Variants in FAT3 observed in about 807,000 individuals in gnomAD.
FAT3 encodes protocadherin Fat 3.
Under a neutral mutation model 310.2 loss-of-function variants are expected in FAT3, and 95 were observed. The ratio of observed to expected loss-of-function variants is 0.31; its 90% CI spans 0.26 to 0.36. FAT3 has a LOEUF of 0.36. Ranked by LOEUF, FAT3 falls within the 10% of genes least tolerant of loss-of-function variation. The probability of loss-of-function intolerance (pLI) is 1.00; values close to 1 mark genes in which losing one functional copy is unlikely to be tolerated. For missense variants in FAT3, 5,408 were observed against 5,715.6 expected (o/e 0.95, Z 1.74); for synonymous variants, 2,314 against 2,192.9 (o/e 1.06, Z -1.54).
At chr11:92,755,757 C>A (rs144456069) in intron 4 of FAT3, among the ~76,000 whole-genome samples, 2 of 152,130 alleles carry the variant, frequency 1.3e-5, no homozygotes, top group East Asian at 3.9e-4. Flanking sequence ...GTTCCTCTTA[C>A]CAAATATACC....
intron 2 of FAT3, among the ~76,000 whole-genome samples, chr11:92,475,878 T>C (rs1952038785): frequency 6.6e-6 from 1 of 152,144 alleles, no homozygotes; most frequent in Non-Finnish European, 1.5e-5. Flanking sequence ...CAAATCCTCA[T>C]AAAAAGGCTT....
chr11:92,719,843 T>C (rs1249879141), intron 4 of FAT3, among the ~76,000 whole-genome samples: 2 of 151,934 alleles, frequency 1.3e-5, no homozygotes, highest in Non-Finnish European at 2.9e-5. Context: ...AAATGGATGC[T>C]TGCACACTGG....
At chr11:92,364,526 A>G (rs1001982570) in intron 2 of FAT3, among the ~76,000 whole-genome samples, 4 of 152,214 alleles carry the variant, frequency 2.6e-5, no homozygotes, top group African/African-American at 9.6e-5. Flanking sequence ...TACAGTTGGA[A>G]GAATTATAGA....
chr11:92,457,692 C>CGGGCGGATCGCCTGAGGT (rs377036513), intron 2 of FAT3, among the ~76,000 whole-genome samples: 2,386 of 152,162 alleles, frequency 0.016, 64 homozygotes, highest in African/African-American at 0.054. Context: ...GAGGCTGAGG[C>CGGGCGGATCGCCTGAGGT]GGGCGGATCG....
At chr11:92,240,576 C>T (rs3888982) in intron 1 of FAT3, among the ~76,000 whole-genome samples, 1 of 140,706 alleles carries the variant, frequency 7.1e-6, no homozygotes. Context: ...GAAACCCCCC[C>T]AAAAAAAAAA....
intron 1 of FAT3, among the ~76,000 whole-genome samples, chr11:92,281,588 TG>T (rs1946423288): frequency 6.6e-6 from 1 of 152,124 alleles, no homozygotes. Flanking sequence ...TCCTAAACTA[TG>T]ATATTCTTAA....
At chr11:92,774,725 A>G (rs144494011) in intron 7 of FAT3, among the ~76,000 whole-genome samples, 175 of 152,298 alleles carry the variant, frequency 1.1e-3, no homozygotes, top group African/African-American at 3.9e-3. Flanking sequence ...TCTGTATAGT[A>G]GAACCCCCTG....
intron 2 of FAT3, among the ~76,000 whole-genome samples, chr11:92,488,396 T>G (rs1952491016): frequency 7.1e-6 from 1 of 140,404 alleles, no homozygotes; most frequent in Non-Finnish European, 1.5e-5. Flanking sequence ...TATTTTCTGT[T>G]TTAAGCTGCT....
chr11:92,784,175 C>T (rs1349452148), intron 7 of FAT3, among the ~76,000 whole-genome samples: 3 of 152,106 alleles, frequency 2.0e-5, no homozygotes, highest in Non-Finnish European at 2.9e-5. Flanking sequence ...TCTCATTTTC[C>T]CCACTGGTAA....
chr11:92,350,828 C>A (rs1420328724), intron 1 of FAT3, among the ~76,000 whole-genome samples: 1 of 152,098 alleles, frequency 6.6e-6, no homozygotes, highest in African/African-American at 2.4e-5. Flanking sequence ...ATTCATTTTC[C>A]ATCTCCTCTC....
chr11:92,740,086 T>C (rs1945462863), intron 4 of FAT3, among the ~76,000 whole-genome samples: 1 of 152,136 alleles, frequency 6.6e-6, no homozygotes, highest in South Asian at 2.1e-4. Flanking sequence ...TAATTTAGCT[T>C]CTAGTAGGGA....
At chr11:92,673,087 A>G (rs1943180900) in intron 3 of FAT3, among the ~76,000 whole-genome samples, 1 of 152,160 alleles carries the variant, frequency 6.6e-6, no homozygotes, top group Non-Finnish European at 1.5e-5. Context: ...ACCACTCATC[A>G]GTTTGATTTA....
At chr11:92,429,086 G>T (rs901417450) in intron 2 of FAT3, among the ~76,000 whole-genome samples, 2 of 152,100 alleles carry the variant, frequency 1.3e-5, no homozygotes, top group African/African-American at 4.8e-5. Flanking sequence ...TATATATTTA[G>T]GATAATTAGC....
chr11:92,700,880 A>T (rs890306158), intron 4 of FAT3, among the ~76,000 whole-genome samples: 1 of 152,152 alleles, frequency 6.6e-6, no homozygotes, highest in African/African-American at 2.4e-5. Flanking sequence ...TCTATATGAC[A>T]TTGCTGCAGG....
At chr11:92,793,574 A>G (rs538829774) in intron 9 of FAT3, among the ~76,000 whole-genome samples, 16 of 152,334 alleles carry the variant, frequency 1.1e-4, no homozygotes, top group African/African-American at 2.6e-4. Context: ...TTTAACATCT[A>G]TAAGGTAAGA....
At position 92,412,740 on chromosome 11, in the gene FAT3, TATATAA is replaced by T. The variant is rs1235437653; in HGVS notation, c.3292+57342_3292+57347del. Among the ~76,000 whole-genome samples the T allele has an allele frequency of 3.2e-3, 243 of 76,210 alleles. 26 individuals are homozygous for T. Among genetic ancestry groups the T allele is most frequent in the African/African-American group, 0.019 (203 of 10,630 alleles). The allele number at this position is 76,210 out of a possible 152,430, so 50.0% of individuals were successfully genotyped here. A position where few individuals can be genotyped will look rare whatever the true frequency, so the allele number is the denominator to read the frequency against. On this transcript the variant is annotated intron_variant, in intron 2 of 27. Coordinates refer to ENST00000525166, the MANE Select transcript of FAT3 (RefSeq NM_001367949.2). ...ATATATATATATATATATATATATA[TATATAA>T]ATATACATACATATATATATATTTA...
intron 2 of FAT3, chr11:92,406,812 G>T (rs1490403045): frequency 6.6e-6 from 1 of 152,160 alleles, no homozygotes; most frequent in African/African-American, 2.4e-5. Flanking sequence ...AAACCCAGGT[G>T]ACTGAAATCT....
intron 12 of FAT3, among the ~76,000 whole-genome samples, chr11:92,809,220 G>A (rs1947595892): frequency 6.6e-6 from 1 of 152,130 alleles, no homozygotes; most frequent in South Asian, 2.1e-4. Context: ...TGCTCCTCAA[G>A]TTTTCTCCGA....
At chr11:92,708,459 C>T (rs531796416) in intron 4 of FAT3, among the ~76,000 whole-genome samples, 17 of 152,292 alleles carry the variant, frequency 1.1e-4, no homozygotes, top group Middle Eastern at 3.4e-3. Context: ...TCTAAACCTC[C>T]GTCTCTTTAC....
Sources: allele counts gnomAD v4.1 joint callset (sites outside exome capture counted in the v4.1 genomes callset), GRCh38; gene constraint gnomAD v4.1.1; transcripts MANE v1.5; gene names NCBI Gene and HGNC (gene_info 2026-07-23, HGNC 2026-07-21).